Variants in FTCD observed in about 807,000 individuals in gnomAD.
FTCD encodes the protein formimidoyltransferase cyclodeaminase.
A neutral mutation model predicts 62.9 loss-of-function variants in FTCD; 76 were observed. That is an observed-to-expected ratio of 1.21 (90% CI 1.00 to 1.46). FTCD has a LOEUF of 1.46. FTCD is among the 40% of genes most tolerant of loss of function. The pLI is 0.00. For missense variants in FTCD, 845 were observed against 751.3 expected (o/e 1.12, Z -1.46); for synonymous variants, 397 against 336.9 (o/e 1.18, Z -1.95).
intron 10 of FTCD, among the ~76,000 whole-genome samples, chr21:46,140,194 A>G (rs988675451): frequency 2.0e-5 from 3 of 151,802 alleles, no homozygotes; most frequent in African/African-American, 7.3e-5. Flanking sequence ...CAGGGAGTGT[A>G]CACCAACCCA....
At chr21:46,137,753 G>A (rs2078902881) in intron 12 of FTCD, among the ~76,000 whole-genome samples, 1 of 152,102 alleles carries the variant, frequency 6.6e-6, no homozygotes, top group Admixed American at 6.5e-5. Context: ...TTCCTATAAA[G>A]AACCCGAAGA....
Position 46,138,501 on chromosome 21 carries a change from C to A in FTCD, c.1443+7G>T. ...CAGGAGGCCTGGGGTCCCCCGGGCC[C>A]CCCTACCTGGAGGTCTGACCGGCAG... is the stretch of plus-strand genomic sequence containing the variant. On this transcript the variant is annotated splice_region_variant and intron_variant, in intron 12 of 13. Coordinates refer to ENST00000397746, the MANE Select transcript of FTCD (RefSeq NM_206965.2). The A allele has an allele frequency of 6.3e-7, 1 of 1,581,066 alleles. No homozygotes were observed. The highest frequency in any genetic ancestry group is 8.5e-7 in the Non-Finnish European group (1 of 1,170,702).
intron 10 of FTCD, among the ~76,000 whole-genome samples, chr21:46,141,581 A>G (rs2079007318): frequency 1.3e-5 from 2 of 152,168 alleles, no homozygotes; most frequent in African/African-American, 4.8e-5. Context: ...ACAAGACCCA[A>G]AAAATATAAA....
chr21:46,138,343 C>T (rs1336679532), intron 12 of FTCD, among the ~76,000 whole-genome samples, 165 bp downstream of exon 12: 1 of 152,214 alleles, frequency 6.6e-6, no homozygotes, highest in Non-Finnish European at 1.5e-5. Context: ...AGGCAGCGGA[C>T]ACCCCGGCCC....
intron 10 of FTCD, among the ~76,000 whole-genome samples, chr21:46,143,369 C>T (rs1474290811): frequency 6.6e-6 from 1 of 151,640 alleles, no homozygotes; most frequent in African/African-American, 2.4e-5. Flanking sequence ...CCTACCCCCC[C>T]TCCCCATCTC....
Position 46,138,930 on chromosome 21 carries a change from TAAAG to T in FTCD, c.1261-11_1261-8del, listed in dbSNP as rs1568960572. 1.9e-6 allele frequency: 3 copies of T among 1,611,346 alleles called. No individual in the cohort carries two copies. The highest frequency in any genetic ancestry group is 2.5e-6 in the Non-Finnish European group (3 of 1,177,712). ...TGGGGAGCCTCATTGCTTCCTGCCATAAAGAGACAGAACCACTGGGCGAGGGACC... is the reference window on the plus strand; with the variant it reads ...TGGGGAGCCTCATTGCTTCCTGCCATAGACAGAACCACTGGGCGAGGGACC... On this transcript the variant is annotated splice_region_variant and splice_polypyrimidine_tract_variant and intron_variant, in intron 10 of 13. Coordinates refer to ENST00000397746, the MANE Select transcript of FTCD (RefSeq NM_206965.2).
intron 12 of FTCD, 98 bp from the exon 13 acceptor site, chr21:46,137,432 GTCC>G (rs1354986202): frequency 9.6e-6 from 9 of 933,526 alleles, no homozygotes; most frequent in Non-Finnish European, 1.4e-5. Flanking sequence ...GCCGGACTTC[GTCC>G]TCCTCCTCAC....
At chr21:46,145,728 CACCCCGT>C (rs2079125824) in intron 9 of FTCD, 83 bp downstream of exon 9, 1 of 370,450 alleles carries the variant, frequency 2.7e-6, no homozygotes, top group Non-Finnish European at 4.4e-6. Context: ...GCGCCCTCCC[CACCCCGT>C]GCCCTCCCCC....
chr21:46,153,303 C>T (rs1042322979), intron 2 of FTCD, among the ~76,000 whole-genome samples: 4 of 152,214 alleles, frequency 2.6e-5, no homozygotes, highest in Non-Finnish European at 5.9e-5. Flanking sequence ...CCAGGAGCAG[C>T]AGCACCTGAG....
chr21:46,147,839 G>A (rs1293011745), intron 7 of FTCD, among the ~76,000 whole-genome samples: 5 of 151,426 alleles, frequency 3.3e-5, no homozygotes, highest in Non-Finnish European at 5.9e-5. Context: ...AGCTACTCGA[G>A]AGGCTGAGGC....
rs766464855 is a variant in FTCD at position 46,153,084 on chromosome 21, T to G, written c.239-49A>C. The G allele has an allele frequency of 2.6e-6, 4 of 1,527,856 alleles. No individual in the cohort carries two copies. In the South Asian group the frequency reaches 4.8e-5, roughly 18 times the overall value. The allele number at this position is 1,527,856 out of a possible 1,614,324, so 94.6% of individuals were successfully genotyped here. On this transcript the variant is annotated intron_variant, in intron 2 of 13. Transcript: ENST00000397746. ...GCAGGAGGCCAGGTGTGGGAGCGGG[T>G]GGGAGCTCCACGGGGTTCTCGGACC... is the stretch of plus-strand genomic sequence containing the variant.
chr21:46,138,721 G>A (rs916792140), intron 11 of FTCD, 75 bp from the exon 12 acceptor site: 5 of 1,515,762 alleles, frequency 3.3e-6, no homozygotes, highest in Admixed American at 3.4e-5. Context: ...ACCCCAACAG[G>A]GCTGAGCAGG....
intron 9 of FTCD, 42 bp downstream of exon 9, chr21:46,145,776 C>T: frequency 2.1e-6 from 1 of 466,996 alleles, no homozygotes; most frequent in Non-Finnish European, 3.6e-6. Context: ...CCCGCCCTCC[C>T]CCCAACAACT....
chr21:46,152,056 G>T (rs1035033867), intron 3 of FTCD, 76 bp from the exon 4 acceptor site: 29 of 1,051,938 alleles, frequency 2.8e-5, no homozygotes, highest in African/African-American at 4.7e-5. Context: ...GCAGGTGGAG[G>T]GGCTCCCTCC....
chr21:46,154,277 T>A lies in FTCD; in HGVS notation c.110A>T (p.Asp37Val). 2 of 1,612,440 alleles carry A rather than the reference T, an allele frequency of 1.2e-6. No individual in the cohort carries two copies. The highest frequency in any genetic ancestry group is 2.7e-5 in the African/African-American group (2 of 75,012). The change falls in exon 2 of 14, where the codon GAT (aspartate) becomes GTT (valine). Residue 37 changes from aspartate to valine, a missense_variant. Asp to Val is a radical substitution (Grantham distance 152). Coordinates refer to ENST00000397746, the MANE Select transcript of FTCD (RefSeq NM_206965.2). ...GTTGGTGGAAGGGCCTGCGTCCACA[T>A]CCAGCAGCACGCAGCCCGGGGTCTG... ...ITQTPGCVLL[D>V]VDAGPSTNRT...
At chr21:46,146,701 A>C (rs2079156324) in intron 7 of FTCD, 1 of 332,882 alleles carries the variant, frequency 3.0e-6, no homozygotes, top group East Asian at 5.8e-5. Context: ...TTAATTCACC[A>C]AGTCTTCACA....
rs565210074 is a variant in FTCD, at chr21:46,145,917, T to G, written c.999A>C (p.Arg333=). Residue 333 remains arginine, a synonymous_variant, in exon 9 of 14, where the codon CGA becomes CGC. Transcript: ENST00000397746. The part of the protein sequence containing the change: ...EYLVPERGPE[R]GLGSKSLRAF... ...CGCGCAGGGACTTGCTGCCCAGGCC[T>G]CGCTCAGGCCCGCGCTCAGGGACCA... 1.1e-4 allele frequency: 165 copies of G among 1,500,830 alleles called. 1 individual carries two copies. In the African/African-American group the frequency reaches 2.0e-3, roughly 18 times the overall value. 93.0% of individuals were successfully genotyped at this position (1,500,830 alleles called of 1,614,324 possible). A position where few individuals can be genotyped will look rare whatever the true frequency, so the allele number is the denominator to read the frequency against.
chr21:46,150,036 G>A (rs1005109558), intron 7 of FTCD, 83 bp downstream of exon 7: 8 of 1,256,628 alleles, frequency 6.4e-6, no homozygotes, highest in African/African-American at 1.5e-5. Flanking sequence ...GGGAAGCTGC[G>A]CCCCAGGGCT....
chr21:46,137,726 G>A (rs2078902341), intron 12 of FTCD, among the ~76,000 whole-genome samples: 4 of 152,096 alleles, frequency 2.6e-5, no homozygotes. Flanking sequence ...GGGACCAGAT[G>A]CTGAAAAGAG....
Sources: gnomAD v4.1 joint callset for allele counts (sites outside exome capture counted in the v4.1 genomes callset) on GRCh38, gnomAD v4.1.1 for gene constraint, MANE v1.5 for transcripts, NCBI Gene and HGNC (gene_info 2026-07-23, HGNC 2026-07-21) for gene names.